The following DDO variants were observed in gnomAD, a reference collection of about 807,000 sequenced individuals.
DDO encodes D-aspartate oxidase, DDO.
A neutral mutation model predicts 16.8 loss-of-function variants in DDO; 16 were observed. The observed-to-expected ratio is 0.95, with a 90% CI of 0.65 to 1.45. The LOEUF is 1.45. Ranked by LOEUF, DDO falls within the 40% of genes most tolerant of loss-of-function variation. DDO has a pLI of 0.00. For missense variants in DDO, 429 were observed against 420.3 expected (o/e 1.02, Z -0.18); for synonymous variants, 180 against 167.2 (o/e 1.08, Z -0.59).
intron 4 of DDO, among the ~76,000 whole-genome samples, chr6:110,399,939 C>G (rs113446149): frequency 7.4e-4 from 113 of 152,344 alleles, no homozygotes; most frequent in Non-Finnish European, 1.3e-3. Context: ...AGCCCTCGGT[C>G]CTCTCCTCCC....
chr6:110,393,597 C>A (rs1773190011), intron 4 of DDO, among the ~76,000 whole-genome samples: 1 of 152,190 alleles, frequency 6.6e-6, no homozygotes, highest in African/African-American at 2.4e-5. Context: ...ATGCTTTGCC[C>A]TTTTAAAATT....
chr6:110,413,157 A>G lies in DDO; in HGVS notation c.172+134T>C, dbSNP rs1773916005. Reference sequence around the variant, plus strand: ...GACCCTGTCTCAAAAAAAGAGAAAAAGAGGAAAGGAAAAAGAAAAAAACCT... The same window carrying G: ...GACCCTGTCTCAAAAAAAGAGAAAAGGAGGAAAGGAAAAAGAAAAAAACCT... On this transcript the variant is annotated intron_variant, in intron 2 of 4. Transcript: ENST00000368924. 1.1e-5 allele frequency: 11 copies of G among 1,025,464 alleles called. No individual in the cohort carries two copies. In the East Asian group the frequency reaches 2.9e-4, roughly 27 times the overall value. The allele number at this position is 1,025,464 out of a possible 1,614,324, so 63.5% of individuals were successfully genotyped here.
rs568914516 is a variant in DDO at position 110,392,430 on chromosome 6, G to C, written c.*345C>G. ...TAAGAAGTATTTTTAACAAAAAATA[G>C]AGCTTTATGCCCTATGCCATTAATG... On this transcript the variant is annotated 3_prime_UTR_variant, in exon 5 of 5. Transcript: ENST00000368924. The C allele has an allele frequency of 9.8e-7, 1 of 1,020,450 alleles. No homozygotes were observed. Among genetic ancestry groups the C allele is most frequent in the Non-Finnish European group, 1.2e-6 (1 of 854,090 alleles). 63.2% of individuals were successfully genotyped at this position (1,020,450 alleles called of 1,614,324 possible).
chr6:110,404,436 A>G (rs910264282), intron 4 of DDO, among the ~76,000 whole-genome samples: 1 of 152,254 alleles, frequency 6.6e-6, no homozygotes. Flanking sequence ...CTGGAAATAT[A>G]TTCTCCAAAC....
intron 4 of DDO, among the ~76,000 whole-genome samples, chr6:110,394,539 A>G (rs138093696): frequency 2.0e-5 from 3 of 152,246 alleles, no homozygotes; most frequent in African/African-American, 7.2e-5. Flanking sequence ...CAATAGACGC[A>G]GGCCGAATGC....
intron 4 of DDO, among the ~76,000 whole-genome samples, chr6:110,395,239 AAAAAAG>A (rs1196589628): frequency 1.3e-5 from 2 of 152,224 alleles, no homozygotes; most frequent in Non-Finnish European, 2.9e-5. Context: ...TGAATAAAAC[AAAAAAG>A]TTGACTCTTT....
At chr6:110,412,253 T>TAAAA (rs35501611) in intron 2 of DDO, among the ~76,000 whole-genome samples, 1 of 145,864 alleles carries the variant, frequency 6.9e-6, no homozygotes, top group African/African-American at 2.5e-5. Context: ...GACTCTGTCT[T>TAAAA]AAAAAAAAAA....
chr6:110,406,882 G>A (rs1165619838), intron 3 of DDO, among the ~76,000 whole-genome samples: 1 of 152,126 alleles, frequency 6.6e-6, no homozygotes, highest in African/African-American at 2.4e-5. Flanking sequence ...TAGCACCCTA[G>A]CCTCTTCCTT....
At position 110,413,316 on chromosome 6, in the gene DDO, T is replaced by C. The variant is rs770896009; in HGVS notation, c.147A>G (p.Gly49=). The C allele has an allele frequency of 3.1e-6, 5 of 1,614,176 alleles. No individual in the cohort carries two copies. The highest frequency in any genetic ancestry group is 2.2e-5 in the East Asian group (1 of 44,878). ...CTGGATAAGTGTGAGGAATAAGCAT[T>C]CCGGCTGCCACATCACTGGTGGTAT... The part of the protein sequence containing the change: ...TPDTTSDVAA[G]MLIPHTYPDT... Residue 49 remains glycine, a synonymous_variant, in exon 2 of 5, where the codon GGA becomes GGG. Transcript: ENST00000368924.
chr6:110,397,727 G>A (rs1017084212), intron 4 of DDO, among the ~76,000 whole-genome samples: 1 of 152,190 alleles, frequency 6.6e-6, no homozygotes, highest in East Asian at 1.9e-4. Context: ...CTATCCTAGT[G>A]GCTGGGCCTT....
rs2114828833 is a variant in DDO, at chr6:110,404,960, A to G, written c.282-10T>C. 2 of 1,610,454 alleles carry G rather than the reference A, an allele frequency of 1.2e-6. No individual in the cohort carries two copies. Among genetic ancestry groups the G allele is most frequent in the African/African-American group, 1.3e-5 (1 of 74,848 alleles). On this transcript the variant is annotated splice_polypyrimidine_tract_variant and intron_variant, in intron 3 of 4. Coordinates refer to ENST00000368924, the MANE Select transcript of DDO (RefSeq NM_001372108.2). ...CTGAAATATCTGCCAACTCAAACGTATTAAGTGAACATTTTTTCCTGAAAT... is the reference window on the plus strand; with the variant it reads ...CTGAAATATCTGCCAACTCAAACGTGTTAAGTGAACATTTTTTCCTGAAAT...
intron 2 of DDO, among the ~76,000 whole-genome samples, chr6:110,412,180 A>C (rs1773880477): frequency 6.6e-6 from 1 of 151,928 alleles, no homozygotes. Flanking sequence ...CCAGAGGTGA[A>C]GGTTACAGTG....
chr6:110,397,356 T>C (rs1773324610), intron 4 of DDO, among the ~76,000 whole-genome samples: 1 of 152,266 alleles, frequency 6.6e-6, no homozygotes, highest in African/African-American at 2.4e-5. Context: ...TGAAAAGTTT[T>C]AACTGATCAT....
chr6:110,393,393 A>G (rs1185258425), intron 4 of DDO, 51 bp from the exon 5 acceptor site: 2 of 1,501,570 alleles, frequency 1.3e-6, no homozygotes, highest in African/African-American at 1.4e-5. Flanking sequence ...CTGATCAACT[A>G]CTTCCAGGAA....
At chr6:110,400,162 G>A (rs1773431782) in intron 4 of DDO, among the ~76,000 whole-genome samples, 1 of 152,246 alleles carries the variant, frequency 6.6e-6, no homozygotes, top group Non-Finnish European at 1.5e-5. Context: ...CAGGGGTCAG[G>A]TCTGAAAACA....
At chr6:110,409,560 C>A (rs915411767) in intron 2 of DDO, among the ~76,000 whole-genome samples, 1 of 152,168 alleles carries the variant, frequency 6.6e-6, no homozygotes, top group Non-Finnish European at 1.5e-5. Context: ...ATGTCAGTAG[C>A]GGGATTTTCA....
chr6:110,404,994 T>C, intron 3 of DDO, 44 bp from the exon 4 acceptor site: 1 of 1,559,292 alleles, frequency 6.4e-7, no homozygotes, highest in Non-Finnish European at 8.8e-7. Context: ...ATTTGTGAAA[T>C]AACATATTTC....
chr6:110,410,089 C>T (rs775743602), intron 2 of DDO, among the ~76,000 whole-genome samples: 6 of 152,242 alleles, frequency 3.9e-5, no homozygotes, highest in Non-Finnish European at 8.8e-5. Context: ...GCATGGTCTC[C>T]ATATGGTATT....
At chr6:110,400,313 T>C (rs1312286447) in intron 4 of DDO, among the ~76,000 whole-genome samples, 3 of 130,468 alleles carry the variant, frequency 2.3e-5, no homozygotes, top group East Asian at 2.4e-4. Context: ...CTCGGAGTAG[T>C]GGGAGCTGGG....
Sources: gnomAD v4.1 joint callset for allele counts (sites outside exome capture counted in the v4.1 genomes callset) on GRCh38, gnomAD v4.1.1 for gene constraint, MANE v1.5 for transcripts, NCBI Gene and HGNC (gene_info 2026-07-23, HGNC 2026-07-21) for gene names.